Variants in EEPD1 observed in about 807,000 individuals in gnomAD.
EEPD1 encodes the protein endonuclease/exonuclease/phosphatase family domain-containing protein 1.
A neutral mutation model predicts 46.3 loss-of-function variants in EEPD1; 17 were observed. The ratio of observed to expected loss-of-function variants is 0.37; its 90% CI spans 0.25 to 0.55. The LOEUF is 0.55. EEPD1 is among the 20% of genes least tolerant of loss of function. EEPD1 has a pLI of 0.83. For missense variants in EEPD1, 673 were observed against 745.6 expected (o/e 0.90, Z 1.13); for synonymous variants, 313 against 315.6 (o/e 0.99, Z 0.09).
intron 3 of EEPD1, among the ~76,000 whole-genome samples, chr7:36,246,338 AGGCCAGGTACTG>A (rs1217743060): frequency 6.6e-6 from 1 of 152,200 alleles, no homozygotes; most frequent in East Asian, 1.9e-4. Flanking sequence ...GGGACATAGG[AGGCCAGGTACTG>A]GCTAGCCTCT....
At chr7:36,221,558 A>T (rs1786146032) in intron 2 of EEPD1, among the ~76,000 whole-genome samples, 2 of 152,248 alleles carry the variant, frequency 1.3e-5, no homozygotes. Context: ...TGGCACCATA[A>T]AATCTGAACT....
In EEPD1 at chr7:36,193,610, A is replaced by G. The variant is rs567019872; in HGVS notation, c.878+38408A>G. 3.0e-3 allele frequency among the ~76,000 whole-genome samples: 455 copies of G among 152,232 alleles called. No homozygotes were observed. The highest frequency in any genetic ancestry group is 5.2e-3 in the Non-Finnish European group (351 of 67,994). ...TGTCCTAGGAGAGTCCTGTGTCTAG[A>G]AAAGCTCCAGGGACCACGGCCTTCA... On this transcript the variant is annotated intron_variant, in intron 2 of 7. Coordinates refer to ENST00000242108, the MANE Select transcript of EEPD1 (RefSeq NM_030636.3). This position sits in a 1 kb window ranked among gnomAD's most constrained non-coding sequence, Gnocchi z 4.9.
At position 36,296,122 on chromosome 7, in the gene EEPD1, G is replaced by A. The variant is rs570317148; in HGVS notation, c.1316-871G>A. On this transcript the variant is annotated intron_variant, in intron 6 of 7. Transcript: ENST00000242108. ...GGAACAGCCTTAAAAGTGACCAGCA[G>A]CAGGAAAATGGTACATTATGTGCAT... is the stretch of plus-strand genomic sequence containing the variant. 3.3e-5 allele frequency among the ~76,000 whole-genome samples: 5 copies of A among 151,186 alleles called. No individual in the cohort carries two copies. The South Asian group carries it at 8.4e-4, about 25-fold the overall frequency.
At chr7:36,252,468 A>G (rs2115812337) in intron 3 of EEPD1, among the ~76,000 whole-genome samples, 1 of 152,344 alleles carries the variant, frequency 6.6e-6, no homozygotes, top group Non-Finnish European at 1.5e-5. Flanking sequence ...GTTTAAGCAT[A>G]GTGTGGCCAT....
At chr7:36,264,023 A>G (rs1786973155) in intron 3 of EEPD1, among the ~76,000 whole-genome samples, 1 of 152,200 alleles carries the variant, frequency 6.6e-6, no homozygotes, top group South Asian at 2.1e-4. Context: ...TTATTTATGA[A>G]AAAATTATAT....
At chr7:36,182,849 G>C (rs1235206766) in intron 2 of EEPD1, among the ~76,000 whole-genome samples, 1 of 152,200 alleles carries the variant, frequency 6.6e-6, no homozygotes. Flanking sequence ...CAGTATCTTG[G>C]GTCTTTTCAT....
At chr7:36,243,875 C>T (rs1406005528) in intron 3 of EEPD1, among the ~76,000 whole-genome samples, 1 of 133,688 alleles carries the variant, frequency 7.5e-6, no homozygotes, top group African/African-American at 2.9e-5. Flanking sequence ...GGAAGGGGAA[C>T]ATCACACTCT....
chr7:36,172,809 A>C (rs201111943), intron 2 of EEPD1, among the ~76,000 whole-genome samples: 7 of 7,050 alleles, frequency 9.9e-4, no homozygotes, highest in African/African-American at 1.2e-3. Flanking sequence ...AACCAAACCC[A>C]AAAAAAAGGA....
At chr7:36,185,816 G>T (rs765045006) in intron 2 of EEPD1, among the ~76,000 whole-genome samples, 71 of 152,100 alleles carry the variant, frequency 4.7e-4, no homozygotes, top group Non-Finnish European at 8.1e-4. Context: ...TTGGCGTGTC[G>T]GTAAGCTTTG....
In EEPD1 at chr7:36,271,048, G is replaced by T. The variant is rs778640815; in HGVS notation, c.931-10067G>T. Among the ~76,000 whole-genome samples the T allele has an allele frequency of 3.3e-5, 5 of 151,642 alleles. 1 individual carries two copies. The highest frequency in any genetic ancestry group is 7.4e-5 in the Non-Finnish European group (5 of 67,946). ...GTCACCCAGGCTGGAGTGCAGTGGC[G>T]CAATCTCAGCTCACTGCAACCTCTG... On this transcript the variant is annotated intron_variant, in intron 3 of 7. Transcript: ENST00000242108.
chr7:36,291,496 T>C (rs1787430980), intron 6 of EEPD1, among the ~76,000 whole-genome samples: 1 of 152,158 alleles, frequency 6.6e-6, no homozygotes, highest in South Asian at 2.1e-4. Flanking sequence ...TTAAGTGCGG[T>C]GCTATCGAGG....
At chr7:36,289,920 C>T (rs776595113) in intron 6 of EEPD1, among the ~76,000 whole-genome samples, 2 of 152,194 alleles carry the variant, frequency 1.3e-5, no homozygotes, top group East Asian at 1.9e-4. Context: ...GTTGTGACAA[C>T]GCTGCTGTGA....
chr7:36,175,559 T>C (rs1261821464), intron 2 of EEPD1, among the ~76,000 whole-genome samples: 3 of 151,904 alleles, frequency 2.0e-5, no homozygotes, highest in Non-Finnish European at 4.4e-5. Context: ...AATTTGAGAT[T>C]ATTAGAGTCA....
Position 36,154,939 on chromosome 7 carries a change from C to A in EEPD1, c.615C>A (p.Thr205=). The A allele has an allele frequency of 6.2e-7, 1 of 1,614,080 alleles. No homozygotes were observed. The highest frequency in any genetic ancestry group is 8.5e-7 in the Non-Finnish European group (1 of 1,180,016). ...VFAERSRPPS[T]HTNGGLTFTA... ...CTGAGAGGTCCAGGCCCCCATCCAC[C>A]CACACGAACGGGGGACTGACCTTCA... is the stretch of plus-strand genomic sequence containing the variant. The change falls in exon 2 of 8, where the codon ACC becomes ACA. Residue 205 remains threonine (T), a synonymous_variant. Coordinates refer to ENST00000242108, the MANE Select transcript of EEPD1 (RefSeq NM_030636.3). The surrounding 1 kb of genome is among the most constrained non-coding windows in gnomAD (Gnocchi z 4.2).
chr7:36,170,499 C>T (rs1303452178), intron 2 of EEPD1, among the ~76,000 whole-genome samples: 1 of 150,028 alleles, frequency 6.7e-6, no homozygotes, highest in Non-Finnish European at 1.5e-5. Flanking sequence ...TTATGCTCTT[C>T]TCTTCATGGA....
At chr7:36,219,714 GC>G (rs1309960251) in intron 2 of EEPD1, among the ~76,000 whole-genome samples, 3 of 150,014 alleles carry the variant, frequency 2.0e-5, no homozygotes, top group African/African-American at 7.4e-5. Flanking sequence ...ACCAAAAACA[GC>G]CCAATCCCCT....
At chr7:36,187,282 C>A (rs1785376089) in intron 2 of EEPD1, among the ~76,000 whole-genome samples, 1 of 152,112 alleles carries the variant, frequency 6.6e-6, no homozygotes, top group Non-Finnish European at 1.5e-5. Context: ...CCATTTTAAT[C>A]ATTTTTCAGT....
At chr7:36,197,238 G>A (rs1237628524) in intron 2 of EEPD1, among the ~76,000 whole-genome samples, 1 of 148,484 alleles carries the variant, frequency 6.7e-6, no homozygotes, top group African/African-American at 2.5e-5. Context: ...CCGGGAGGGA[G>A]GTGGGGGGGT....
At chr7:36,271,796 C>CT (rs1787106502) in intron 3 of EEPD1, among the ~76,000 whole-genome samples, 2 of 148,712 alleles carry the variant, frequency 1.3e-5, no homozygotes, top group African/African-American at 5.0e-5. Context: ...GAACATAAGC[C>CT]TCCTATTCTA....
Sources: gnomAD v4.1 joint callset for allele counts (sites outside exome capture counted in the v4.1 genomes callset) on GRCh38, gnomAD v4.1.1 for gene constraint, Gnocchi (gnomAD v3.1) non-coding constraint, MANE v1.5 for transcripts, NCBI Gene and HGNC (gene_info 2026-07-23, HGNC 2026-07-21) for gene names.